Variants in ERBB4 observed in about 807,000 individuals in gnomAD.
The protein encoded by ERBB4 is receptor tyrosine-protein kinase erbB-4.
ERBB4 carries 42 observed loss-of-function variants against 158.0 expected under a neutral mutation model. The ratio of observed to expected loss-of-function variants is 0.27; its 90% CI spans 0.21 to 0.34. The LOEUF (loss-of-function observed/expected upper bound fraction) is 0.34. Ranked by LOEUF, ERBB4 falls within the 10% of genes least tolerant of loss-of-function variation. ERBB4 has a pLI of 1.00. For synonymous variants in ERBB4, 583 were observed against 558.7 expected, an observed-to-expected ratio of 1.04 and a Z score of -0.61; for missense variants, 1,333 against 1,624.1, an observed-to-expected ratio of 0.82 and a Z score of 3.08.
At chr2:212,095,610 T>A (rs1326177903) in intron 2 of ERBB4, among the ~76,000 whole-genome samples, 2 of 152,170 alleles carry the variant, frequency 1.3e-5, no homozygotes, top group African/African-American at 2.4e-5. Context: ...AGTATCAGAA[T>A]ACAGAGCATT....
chr2:211,478,515 C>T (rs544017327), intron 20 of ERBB4, among the ~76,000 whole-genome samples: 22 of 152,216 alleles, frequency 1.4e-4, no homozygotes, highest in African/African-American at 5.3e-4. Flanking sequence ...ATCTAAATTT[C>T]CAGAAGTAAA....
intron 20 of ERBB4, among the ~76,000 whole-genome samples, chr2:211,550,010 C>T (rs1405989813): frequency 3.3e-5 from 5 of 151,990 alleles, no homozygotes; most frequent in African/African-American, 1.2e-4. Context: ...ATAATTTTTC[C>T]CCAGCTTTAT....
At chr2:212,248,517 G>A (rs2084396162) in intron 1 of ERBB4, among the ~76,000 whole-genome samples, 2 of 152,064 alleles carry the variant, frequency 1.3e-5, no homozygotes, top group Admixed American at 6.6e-5. Context: ...ATTCTTAACT[G>A]TGATATACTT....
intron 25 of ERBB4, among the ~76,000 whole-genome samples, chr2:211,414,173 T>C (rs932184230): frequency 1.3e-5 from 2 of 152,168 alleles, no homozygotes; most frequent in Non-Finnish European, 2.9e-5. Flanking sequence ...AAAATGTTTT[T>C]GATCATTTTC....
At chr2:211,984,847 C>G (rs1300066312) in intron 2 of ERBB4, among the ~76,000 whole-genome samples, 3 of 152,058 alleles carry the variant, frequency 2.0e-5, no homozygotes, top group Non-Finnish European at 2.9e-5. Flanking sequence ...CTCAGCCTCC[C>G]AAGTAGCTGG....
chr2:211,656,103 A>G (rs1051631536), intron 16 of ERBB4, among the ~76,000 whole-genome samples: 5 of 152,244 alleles, frequency 3.3e-5, no homozygotes, highest in African/African-American at 4.8e-5. Flanking sequence ...AAATTTATAT[A>G]AAGTGAAAAA....
intron 1 of ERBB4, among the ~76,000 whole-genome samples, chr2:212,240,338 G>C (rs1179403778): frequency 5.9e-5 from 9 of 151,974 alleles, no homozygotes; most frequent in Admixed American, 5.9e-4. Flanking sequence ...CTAAGGAAAA[G>C]AATATCCTTA....
chr2:211,986,030 T>C (rs952265283), intron 2 of ERBB4, among the ~76,000 whole-genome samples: 1 of 152,126 alleles, frequency 6.6e-6, no homozygotes, highest in Admixed American at 6.5e-5. Flanking sequence ...TGATTTAGGT[T>C]TTCATAAGAA....
At chr2:211,493,486 A>C (rs2065395644) in intron 20 of ERBB4, among the ~76,000 whole-genome samples, 1 of 152,062 alleles carries the variant, frequency 6.6e-6, no homozygotes, top group Non-Finnish European at 1.5e-5. Flanking sequence ...AATAATTTTT[A>C]TATAGCATAC....
intron 3 of ERBB4, among the ~76,000 whole-genome samples, chr2:211,941,333 G>A (rs2080489706): frequency 6.8e-6 from 1 of 146,180 alleles, no homozygotes; most frequent in South Asian, 2.2e-4. Flanking sequence ...TAGTACTTTT[G>A]TTAAACATTC....
chr2:212,016,161 C>T (rs895079732), intron 2 of ERBB4, among the ~76,000 whole-genome samples: 5 of 145,064 alleles, frequency 3.4e-5, no homozygotes, highest in African/African-American at 1.3e-4. Context: ...TATATTTTAA[C>T]TTTTTTTTTT....
At chr2:212,081,827 G>T (rs531767169) in intron 2 of ERBB4, among the ~76,000 whole-genome samples, 1 of 152,220 alleles carries the variant, frequency 6.6e-6, no homozygotes, top group East Asian at 1.9e-4. Context: ...AGGGCTGTCA[G>T]TTCTGGGTTT....
intron 3 of ERBB4, among the ~76,000 whole-genome samples, chr2:211,919,007 T>G (rs2125072648): frequency 6.6e-6 from 1 of 152,132 alleles, no homozygotes; most frequent in African/African-American, 2.4e-5. Context: ...CCTTGACAGG[T>G]TTTTCTGGAC....
At chr2:212,328,046 A>G (rs2087943869) in intron 1 of ERBB4, among the ~76,000 whole-genome samples, 1 of 150,104 alleles carries the variant, frequency 6.7e-6, no homozygotes, top group African/African-American at 2.4e-5. Context: ...AAAAAAAGTC[A>G]CAATTCACAA....
intron 4 of ERBB4, among the ~76,000 whole-genome samples, chr2:211,781,076 C>T (rs1210853233): frequency 6.6e-6 from 1 of 152,014 alleles, no homozygotes; most frequent in African/African-American, 2.4e-5. Context: ...TTTTGCTTTA[C>T]TACACAATAC....
At chr2:212,050,009 G>A (rs1258413818) in intron 2 of ERBB4, among the ~76,000 whole-genome samples, 2 of 152,044 alleles carry the variant, frequency 1.3e-5, no homozygotes, top group Non-Finnish European at 2.9e-5. Context: ...TACGAATAGT[G>A]GTATTAGAAA....
chr2:211,542,855 G>A (rs556187774), intron 20 of ERBB4, among the ~76,000 whole-genome samples: 112 of 151,870 alleles, frequency 7.4e-4, no homozygotes, highest in Non-Finnish European at 1.3e-3. Context: ...ACATAAAGTG[G>A]AGCTAATTTA....
chr2:212,532,791 T>C (rs1354866702), intron 1 of ERBB4, among the ~76,000 whole-genome samples: 2 of 152,224 alleles, frequency 1.3e-5, no homozygotes, highest in South Asian at 2.1e-4. Flanking sequence ...TGCTGCCCCC[T>C]GGAGTTGTGC....
intron 1 of ERBB4, among the ~76,000 whole-genome samples, chr2:212,536,880 C>T (rs1346832481): frequency 6.6e-6 from 1 of 152,048 alleles, no homozygotes; most frequent in Non-Finnish European, 1.5e-5. Flanking sequence ...ATAATCAACC[C>T]ATTGAGGGAA....
Sources: gnomAD v4.1 joint callset for allele counts (sites outside exome capture counted in the v4.1 genomes callset) on GRCh38, gnomAD v4.1.1 for gene constraint, MANE v1.5 for transcripts, NCBI Gene and HGNC (gene_info 2026-07-23, HGNC 2026-07-21) for gene names.